Variants in UPF3B observed in about 807,000 individuals in gnomAD.
UPF3B encodes UPF3B regulator of nonsense mediated mRNA decay, also known as regulator of nonsense transcripts 3B.
A neutral mutation model predicts 40.3 loss-of-function variants in UPF3B; 7 were observed. That is an observed-to-expected ratio of 0.17 (90% CI 0.10 to 0.33). The LOEUF (loss-of-function observed/expected upper bound fraction) is 0.33. Ranked by LOEUF, UPF3B falls within the 10% of genes least tolerant of loss-of-function variation. UPF3B has a pLI of 1.00. For missense variants in UPF3B, 229 were observed against 358.9 expected (o/e 0.64, Z 2.93); for synonymous variants, 117 against 117.3 (o/e 1.00, Z 0.01).
In UPF3B at chrX:119,835,011, T is replaced by G; in HGVS notation, c.1319A>C (p.Gln440Pro). Residue 440 changes from glutamine to proline, a missense_variant, in exon 11 of 11, where the codon CAG becomes CCG. Around this residue, in one of 3 missense-constraint regions of UPF3B, gnomAD observed 119 missense variants for 153.8 expected, o/e 0.77. Coordinates refer to ENST00000276201, the MANE Select transcript of UPF3B (RefSeq NM_080632.3). Reference sequence around the variant, plus strand: ...GCTTCGAGCTCCTGGTTGGTAAAGCTGCATCGCTGGACGATCCTGAAGTAC... The same window carrying G: ...GCTTCGAGCTCCTGGTTGGTAAAGCGGCATCGCTGGACGATCCTGAAGTAC... ...RIRNKDRPAMQLYQPGARSRN... is the reference protein window; with the variant it reads ...RIRNKDRPAMPLYQPGARSRN... 8.3e-7 allele frequency: 1 copy of G among 1,209,662 alleles called. No homozygotes were observed. Among genetic ancestry groups the G allele is most frequent in the Non-Finnish European group, 1.1e-6 (1 of 893,949 alleles).
At chrX:119,829,685 T>G (rs1488319299), downstream of UPF3B, among the ~76,000 whole-genome samples, 1 of 111,792 alleles carries the variant, frequency 8.9e-6, no homozygotes, top group Non-Finnish European at 1.9e-5. Context: ...TCCTTACCTC[T>G]ATGTAATGTT....
chrX:119,824,761 TTTC>T (rs2055961877), intron 3 of UPF3B, among the ~76,000 whole-genome samples: 1 of 86,717 alleles, frequency 1.2e-5, no homozygotes, highest in East Asian at 3.9e-4. Context: ...TCTCCATTTC[TTTC>T]TTTTTTTTTT....
Position 119,834,779 on chromosome X carries a change from CTT to C in UPF3B, c.*97_*98del. The C allele has an allele frequency of 1.8e-5, 22 of 1,207,366 alleles. No individual in the cohort carries two copies. The highest frequency in any genetic ancestry group is 2.5e-5 in the Non-Finnish European group (22 of 895,134). On this transcript the variant is annotated 3_prime_UTR_variant, in exon 11 of 11. Coordinates refer to ENST00000276201, the MANE Select transcript of UPF3B (RefSeq NM_080632.3). Reference sequence around the variant, plus strand: ...TGTACCCCACCAGCACAGCGGCTCCCTTTCTCTCTATTCTTTGCCCTGAAGGC... The same window carrying C: ...TGTACCCCACCAGCACAGCGGCTCCCTCTCTCTATTCTTTGCCCTGAAGGC...
intron 4 of UPF3B, among the ~76,000 whole-genome samples, chrX:119,844,457 C>T (rs777800906): frequency 8.9e-6 from 1 of 111,764 alleles, no homozygotes; most frequent in African/African-American, 3.2e-5. Context: ...ACAAAGTTAC[C>T]TGGGTATGGA....
At chrX:119,836,118 G>A (rs1288066820) in intron 10 of UPF3B, among the ~76,000 whole-genome samples, 1 of 112,112 alleles carries the variant, frequency 8.9e-6, no homozygotes, top group Non-Finnish European at 1.9e-5. Context: ...ACTTTGGGAG[G>A]CTGAGGCGGG....
Position 119,843,832 on chromosome X carries a change from G to A in UPF3B, c.470-531C>T, listed in dbSNP as rs193262265. ...AGCTATGTGTTATTGAGTCCTTACC[G>A]TGTTTTCTTTATAAAATACCTGTAA... On this transcript the variant is annotated intron_variant, in intron 4 of 10. Coordinates refer to ENST00000276201, the MANE Select transcript of UPF3B (RefSeq NM_080632.3). Among the ~76,000 whole-genome samples the A allele has an allele frequency of 5.4e-5, 6 of 111,846 alleles. No homozygotes were observed. The East Asian group carries it at 1.4e-3, about 26-fold the overall frequency.
chrX:119,851,586 C>T lies in UPF3B; in HGVS notation c.279G>A (p.Met93Ile). The change falls in exon 3 of 11, where the codon ATG (methionine) becomes ATA (isoleucine). Residue 93 changes from methionine (M) to isoleucine (I), a missense_variant. Around this residue, in one of 3 missense-constraint regions of UPF3B, gnomAD observed 87 missense variants for 184.2 expected, o/e 0.47. Coordinates refer to ENST00000276201, the MANE Select transcript of UPF3B (RefSeq NM_080632.3). ...TAAAGTTGATGTATGCTCTGGCATACATATGAGGATACAAACTGCAGAGAG... is the reference window on the plus strand; with the variant it reads ...TAAAGTTGATGTATGCTCTGGCATATATATGAGGATACAAACTGCAGAGAG... ...FSNDTSLYPH[M>I]YARAYINFKN... 3 of 1,198,035 alleles carry T rather than the reference C, an allele frequency of 2.5e-6. No homozygotes were observed. Among genetic ancestry groups the T allele is most frequent in the Non-Finnish European group, 2.3e-6 (2 of 883,538 alleles).
chrX:119,824,853 G>A (rs1172114984), intron 3 of UPF3B, among the ~76,000 whole-genome samples: 2 of 96,035 alleles, frequency 2.1e-5, no homozygotes, highest in South Asian at 5.3e-4. Context: ...TGCAACCGCC[G>A]CCTCCTGGGT....
chrX:119,829,756 C>T (rs1423571779), downstream of UPF3B, among the ~76,000 whole-genome samples: 1 of 111,830 alleles, frequency 8.9e-6, no homozygotes, highest in Non-Finnish European at 1.9e-5. Context: ...CCTAAAGTGA[C>T]AGAATCCATG....
At chrX:119,836,744 A>G (rs2056098107) in intron 10 of UPF3B, among the ~76,000 whole-genome samples, 1 of 104,803 alleles carries the variant, frequency 9.5e-6, no homozygotes, top group Admixed American at 1.0e-4. Context: ...TCCGCCTCCC[A>G]GGTTCACGCC....
At chrX:119,830,668 G>C (rs933487213), downstream of UPF3B, among the ~76,000 whole-genome samples, 4 of 108,887 alleles carry the variant, frequency 3.7e-5, no homozygotes, top group African/African-American at 6.7e-5. Flanking sequence ...ACCAAGGTAA[G>C]CTAGTGAAGG....
chrX:119,848,964 T>C (rs1038995357), intron 3 of UPF3B, among the ~76,000 whole-genome samples: 1 of 111,782 alleles, frequency 8.9e-6, no homozygotes, highest in Non-Finnish European at 1.9e-5. Context: ...TGAATTTTAT[T>C]ATAGGTGAGT....
intron 8 of UPF3B, 124 bp from the exon 9 acceptor site, chrX:119,838,651 A>C (rs1490277459): frequency 3.0e-6 from 2 of 669,433 alleles, no homozygotes; most frequent in Non-Finnish European, 4.6e-6. Flanking sequence ...AGGTACACTT[A>C]ATCTTTCAGG....
downstream of UPF3B, among the ~76,000 whole-genome samples, chrX:119,832,171 G>A (rs747886229): frequency 8.9e-6 from 1 of 111,835 alleles, no homozygotes; most frequent in East Asian, 2.8e-4. Context: ...TGTTGCCCAG[G>A]CTGGTCTTAA....
At chrX:119,820,626 A>ATTTTTTTTTTTTTTTTTTTTT (rs370271993) in intron 4 of UPF3B, among the ~76,000 whole-genome samples, 1 of 90,166 alleles carries the variant, frequency 1.1e-5, no homozygotes, top group African/African-American at 4.3e-5. Flanking sequence ...AGCCTGGCCA[A>ATTTTTTTTTTTTTTTTTTTTT]TTTTTTTTTT....
At chrX:119,827,043 G>A (rs765781010) in intron 3 of UPF3B, among the ~76,000 whole-genome samples, 1 of 111,932 alleles carries the variant, frequency 8.9e-6, no homozygotes, top group Non-Finnish European at 1.9e-5. Context: ...AGTTTCACCA[G>A]AGAGTCCTTT....
intron 3 of UPF3B, among the ~76,000 whole-genome samples, chrX:119,849,131 C>G (rs1250383933): frequency 1.1e-4 from 12 of 111,709 alleles, no homozygotes; most frequent in Non-Finnish European, 5.6e-5. Context: ...GAAGGCACTG[C>G]AAAGCAGTCA....
downstream of UPF3B, among the ~76,000 whole-genome samples, chrX:119,833,334 AATT>A (rs1475500322): frequency 9.0e-6 from 1 of 111,629 alleles, no homozygotes; most frequent in Non-Finnish European, 1.9e-5. Context: ...TTTATTTTTA[AATT>A]ATTATTTTTT....
chrX:119,818,984 T>C (rs2055888830), intron 4 of UPF3B, among the ~76,000 whole-genome samples: 1 of 109,889 alleles, frequency 9.1e-6, no homozygotes, highest in Non-Finnish European at 1.9e-5. Context: ...GTCATGGCAA[T>C]AGTTTTTTGA....
Sources: gnomAD v4.1 joint callset for allele counts (sites outside exome capture counted in the v4.1 genomes callset) on GRCh38, gnomAD v4.1.1 for gene constraint, gnomAD v4.1.1 regional missense constraint, MANE v1.5 for transcripts, NCBI Gene and HGNC (gene_info 2026-07-23, HGNC 2026-07-21) for gene names.